Variants in FGF12 observed in about 807,000 individuals in gnomAD.
The protein encoded by FGF12 is fibroblast growth factor 12, also known as fibroblast growth factor 12B.
In FGF12, 14 loss-of-function variants were observed where a neutral mutation model predicts 23.6. The observed-to-expected ratio is 0.59, with a 90% CI of 0.39 to 0.93. The LOEUF is 0.93. Among genes scored for constraint, FGF12 ranks in the 40% least tolerant of loss-of-function variants. The probability of loss-of-function intolerance (pLI) is 0.00; values close to 1 mark genes in which losing one functional copy is unlikely to be tolerated. For synonymous variants in FGF12, 62 were observed against 77.3 expected (o/e 0.80, Z 1.04); for missense variants, 175 against 217.8 (o/e 0.80, Z 1.24).
At position 192,524,916 on chromosome 3, in the gene FGF12, C is replaced by A. The variant is rs114337567; in HGVS notation, c.14-164378G>T. ...TTTTATAAAATCACCATAATCAAGG[C>A]TATTCCAGATAAAATGGACACATTT... On this transcript the variant is annotated intron_variant, in intron 2 of 5. Transcript: ENST00000445105. Among the ~76,000 whole-genome samples, 394 of 152,148 alleles carry A rather than the reference C, an allele frequency of 2.6e-3. 1 individual carries two copies. The highest frequency in any genetic ancestry group is 4.2e-3 in the Non-Finnish European group (288 of 68,004).
Position 192,612,369 on chromosome 3 carries a change from C to T in FGF12, c.13+114812G>A, listed in dbSNP as rs199905352. The stretch of plus-strand genomic sequence containing the variant: ...ATGAATCACTTGGAAGACAGAGAAA[C>T]GAAGTTTTGCTTTATTATGCCGAAC... On this transcript the variant is annotated intron_variant, in intron 2 of 5. Transcript: ENST00000445105. Among the ~76,000 whole-genome samples the T allele has an allele frequency of 1.1e-4, 17 of 151,934 alleles. No individual in the cohort carries two copies. The East Asian group carries it at 2.7e-3, about 24-fold the overall frequency.
chr3:192,678,996 G>C (rs73887672), intron 2 of FGF12, among the ~76,000 whole-genome samples: 24,105 of 152,098 alleles, frequency 0.16, 2,369 homozygotes, highest in African/African-American at 0.28. Flanking sequence ...TCATTCTTAA[G>C]TAGTTCCCTG....
chr3:192,257,465 T>C (rs1055213053), intron 4 of FGF12, among the ~76,000 whole-genome samples: 12 of 152,158 alleles, frequency 7.9e-5, no homozygotes, highest in African/African-American at 2.9e-4. Context: ...TCCCTGACTT[T>C]TGAGTAATTT....
In FGF12 at chr3:192,409,948, A is replaced by C. The variant is rs1307690790; in HGVS notation, c.14-49410T>G. ...TCCCCAGGCCCGGGAGGGGGCGCTCAGGGTGGAGTCCCATTCATGGGCTGA... is the reference window on the plus strand; with the variant it reads ...TCCCCAGGCCCGGGAGGGGGCGCTCCGGGTGGAGTCCCATTCATGGGCTGA... On this transcript the variant is annotated intron_variant, in intron 2 of 5. Coordinates refer to ENST00000445105, the MANE Select transcript of FGF12 (RefSeq NM_004113.6). The surrounding 1 kb of genome is among the most constrained non-coding windows in gnomAD (Gnocchi z 4.8). Among the ~76,000 whole-genome samples the C allele has an allele frequency of 6.6e-6, 1 of 151,632 alleles. No individual in the cohort carries two copies. Among genetic ancestry groups the C allele is most frequent in the African/African-American group, 2.4e-5 (1 of 41,304 alleles).
In FGF12 at chr3:192,141,752, T is replaced by C. The variant is rs1181294539; in HGVS notation, c.*2257A>G. 1 of 151,744 alleles carries C rather than the reference T, an allele frequency of 6.6e-6. No individual in the cohort carries two copies. Among genetic ancestry groups the C allele is most frequent in the Non-Finnish European group, 1.5e-5 (1 of 67,748 alleles). 9.4% of individuals were successfully genotyped at this position (151,744 alleles called of 1,614,324 possible). ...TGAAATCATAATTGTAATTGATTTT[T>C]ATGATTTGCATCAATTGTGTTATTT... On this transcript the variant is annotated 3_prime_UTR_variant, in exon 6 of 6. Transcript: ENST00000445105.
intron 2 of FGF12, among the ~76,000 whole-genome samples, chr3:192,600,570 A>G (rs73064321): frequency 0.023 from 3,452 of 152,230 alleles, 84 homozygotes; most frequent in African/African-American, 0.06. Flanking sequence ...TAATGTCCAG[A>G]ATATACAAGA....
intron 2 of FGF12, among the ~76,000 whole-genome samples, chr3:192,619,097 T>C (rs1714875467): frequency 6.6e-6 from 1 of 152,128 alleles, no homozygotes; most frequent in African/African-American, 2.4e-5. Flanking sequence ...AAACATTTGC[T>C]AATTTACATA....
At chr3:192,297,007 A>C (rs1309670672) in intron 4 of FGF12, among the ~76,000 whole-genome samples, 1 of 152,160 alleles carries the variant, frequency 6.6e-6, no homozygotes, top group Non-Finnish European at 1.5e-5. Flanking sequence ...ATTCTTCTAA[A>C]TTGCTTTGTT....
chr3:192,367,767 A>G (rs1719046796), intron 2 of FGF12, among the ~76,000 whole-genome samples: 3 of 152,186 alleles, frequency 2.0e-5, no homozygotes, highest in Admixed American at 2.0e-4. Flanking sequence ...GATAAGGCTG[A>G]AGACGTGTCA....
chr3:192,468,495 G>C (rs186263046), intron 2 of FGF12, among the ~76,000 whole-genome samples: 1 of 152,158 alleles, frequency 6.6e-6, no homozygotes, highest in South Asian at 2.1e-4. Flanking sequence ...TTTGTAGACT[G>C]TCTCACAATT....
intron 4 of FGF12, among the ~76,000 whole-genome samples, chr3:192,313,868 T>C (rs57128947): frequency 0.082 from 12,458 of 152,282 alleles, 753 homozygotes; most frequent in East Asian, 0.19. Flanking sequence ...CCAGGTGCTA[T>C]GGACTGTAAG....
At chr3:192,463,321 G>A (rs1280349229) in intron 2 of FGF12, among the ~76,000 whole-genome samples, 1 of 152,066 alleles carries the variant, frequency 6.6e-6, no homozygotes, top group Non-Finnish European at 1.5e-5. Context: ...TTGGGAGGCT[G>A]AGGCAGGAGA....
intron 2 of FGF12, among the ~76,000 whole-genome samples, chr3:192,609,511 T>A (rs543357873): frequency 1.3e-5 from 2 of 152,202 alleles, no homozygotes; most frequent in East Asian, 3.9e-4. Flanking sequence ...AGACATTGCA[T>A]GTCTGTTCTT....
chr3:192,344,339 AAAT>A (rs764149053), intron 3 of FGF12, among the ~76,000 whole-genome samples: 37 of 151,912 alleles, frequency 2.4e-4, no homozygotes, highest in Non-Finnish European at 5.0e-4. Context: ...AGTTCAACTT[AAAT>A]TTTTTAAAAT....
chr3:192,304,101 T>C (rs1326764453), intron 4 of FGF12, among the ~76,000 whole-genome samples: 2 of 152,220 alleles, frequency 1.3e-5, no homozygotes. Context: ...CATTCCATCA[T>C]TTAATGCTGC....
In FGF12 at chr3:192,378,517, A is replaced by G. The variant is rs1719673396; in HGVS notation, c.14-17979T>C. ...AAACCTTAGATTATTCATAAACATA[A>G]TTTTAGTAAACTTAAATTTAAGATT... On this transcript the variant is annotated intron_variant, in intron 2 of 5. Transcript: ENST00000445105. 7.2e-5 allele frequency among the ~76,000 whole-genome samples: 11 copies of G among 152,328 alleles called. No homozygotes were observed. The South Asian group carries it at 2.3e-3, about 32-fold the overall frequency.
rs752122840 is a variant in FGF12, at chr3:192,611,274, GA to G, written c.13+115906del. Among the ~76,000 whole-genome samples, 231 of 152,138 alleles carry G rather than the reference GA, an allele frequency of 1.5e-3. 2 individuals carry two copies. The highest frequency in any genetic ancestry group is 5.3e-3 in the Admixed American group (81 of 15,250). On this transcript the variant is annotated intron_variant, in intron 2 of 5. Coordinates refer to ENST00000445105, the MANE Select transcript of FGF12 (RefSeq NM_004113.6). Reference sequence around the variant, plus strand: ...CCTCTGGGAAGATCAGAGTATCCTTGAAAAGCATGTATGGCTACTTATTGGA... The same window carrying G: ...CCTCTGGGAAGATCAGAGTATCCTTGAAAGCATGTATGGCTACTTATTGGA...
At chr3:192,716,848 G>A (rs913790055) in intron 2 of FGF12, among the ~76,000 whole-genome samples, 1 of 152,198 alleles carries the variant, frequency 6.6e-6, no homozygotes, top group African/African-American at 2.4e-5. Context: ...TGTTAGTTGT[G>A]TGTTTGATTT....
intron 2 of FGF12, among the ~76,000 whole-genome samples, chr3:192,547,250 C>T (rs1446242140): frequency 5.9e-5 from 9 of 152,266 alleles, no homozygotes; most frequent in Admixed American, 2.6e-4. Context: ...GAGCAGGTGA[C>T]GTCTCTCTCC....
Sources: allele counts gnomAD v4.1 joint callset (sites outside exome capture counted in the v4.1 genomes callset), GRCh38; gene constraint gnomAD v4.1.1; non-coding constraint Gnocchi (gnomAD v3.1); transcripts MANE v1.5; gene names NCBI Gene and HGNC (gene_info 2026-07-23, HGNC 2026-07-21).